Variants in SEPTIN5 observed in about 807,000 individuals in gnomAD.
SEPTIN5 encodes the protein septin-5.
A neutral mutation model predicts 51.2 loss-of-function variants in SEPTIN5; 16 were observed. The ratio of observed to expected loss-of-function variants is 0.31; its 90% confidence interval spans 0.21 to 0.47. SEPTIN5 has a LOEUF of 0.47. SEPTIN5 is among the 20% of genes least tolerant of loss of function. The pLI is 0.99. For synonymous variants in SEPTIN5, 208 were observed against 191.2 expected, an observed-to-expected ratio of 1.09 and a Z score of -0.72; for missense variants, 376 against 500.3, an observed-to-expected ratio of 0.75 and a Z score of 2.37.
At position 19,714,883 on chromosome 22, in the gene SEPTIN5, C is replaced by T; in HGVS notation, c.54+92C>T. 7 of 1,431,338 alleles carry T rather than the reference C, an allele frequency of 4.9e-6. No individual in the cohort carries two copies. The highest frequency in any genetic ancestry group is 6.6e-6 in the Non-Finnish European group (7 of 1,062,230). 88.7% of individuals were successfully genotyped at this position (1,431,338 alleles called of 1,614,324 possible). A position where few individuals can be genotyped will look rare whatever the true frequency, so the allele number is the denominator to read the frequency against. Reference sequence around the variant, plus strand: ...CCTTGGGCGCCCAGGCGCGACCCCGCCCCCGCCGGCCCTCACCCAGCCCTG... The same window carrying T: ...CCTTGGGCGCCCAGGCGCGACCCCGTCCCCGCCGGCCCTCACCCAGCCCTG... On this transcript the variant is annotated intron_variant, in intron 2 of 11. Coordinates refer to ENST00000455784, the MANE Select transcript of SEPTIN5 (RefSeq NM_002688.6). This position sits in a 1 kb window ranked among gnomAD's most constrained non-coding sequence, Gnocchi z 5.2.
chr22:19,716,876 G>A (rs997933819), intron 2 of SEPTIN5, among the ~76,000 whole-genome samples: 1 of 152,190 alleles, frequency 6.6e-6, no homozygotes, highest in Non-Finnish European at 1.5e-5. Context: ...GCTGGGCTTC[G>A]AGGTGTGGAC....
intron 8 of SEPTIN5, among the ~76,000 whole-genome samples, 186 bp downstream of exon 8, chr22:19,721,055 C>G (rs1310630995): frequency 6.6e-6 from 1 of 152,202 alleles, no homozygotes; most frequent in Non-Finnish European, 1.5e-5. Flanking sequence ...GTAAAGGTCA[C>G]CATGTCTTTG....
In SEPTIN5 at chr22:19,722,452, C is replaced by A. The variant is rs1263727853; in HGVS notation, c.1078C>A (p.Gln360Lys). 3 of 1,602,234 alleles carry A rather than the reference C, an allele frequency of 1.9e-6. No individual in the cohort carries two copies. The highest frequency in any genetic ancestry group is 2.7e-5 in the African/African-American group (2 of 74,654). The change falls in exon 12 of 12, where the codon CAG becomes AAG. Residue 360 changes from glutamine (Q) to lysine (K), a missense_variant. Gln to Lys is a moderately conservative substitution (Grantham distance 53, BLOSUM62 1). Transcript: ENST00000455784. ...GCTGAGGCGCATGCAGGAGATGCTG[C>A]AGAGGATGAAGCAGCAGATGCAGGA... ...EELRRMQEMLQRMKQQMQDQ is the reference protein window; with the variant it reads ...EELRRMQEMLKRMKQQMQDQ
rs1043004 is a variant in SEPTIN5 at position 19,720,822 on chromosome 22, G to A, written c.670G>A (p.Asp224Asn). 1.2e-6 allele frequency: 2 copies of A among 1,613,796 alleles called. No individual in the cohort carries two copies. The highest frequency in any genetic ancestry group is 1.7e-6 in the Non-Finnish European group (2 of 1,179,998). The change falls in exon 8 of 12, where the codon GAC becomes AAC. Residue 224 changes from aspartate to asparagine, a missense_variant. By Grantham distance (23) the Asp-to-Asn change is conservative. Coordinates refer to ENST00000455784, the MANE Select transcript of SEPTIN5 (RefSeq NM_002688.6). ...GIHVYQFPEC[D>N]SDEDEDFKQQ... Reference sequence around the variant, plus strand: ...CCATGTATACCAGTTCCCTGAGTGTGACTCGGACGAGGATGAGGACTTCAA... The same window carrying A: ...CCATGTATACCAGTTCCCTGAGTGTAACTCGGACGAGGATGAGGACTTCAA...
chr22:19,719,380 C>T, intron 2 of SEPTIN5: 2 of 553,830 alleles, frequency 3.6e-6, no homozygotes, highest in Non-Finnish European at 6.5e-6. Context: ...GCAGAGCCCT[C>T]CCTGGGATTG....
In SEPTIN5 at chr22:19,718,619, G is replaced by A. The variant is rs745728279; in HGVS notation, c.55-983G>A. On this transcript the variant is annotated intron_variant, in intron 2 of 11. Transcript: ENST00000455784. ...GCCTCACTTCCCGCGTCCGCAAAAC[G>A]GGGTGGACAACGCAGCCTAAGGCAG... The A allele has an allele frequency of 1.2e-5, 16 of 1,290,866 alleles. No individual in the cohort carries two copies. The East Asian group carries it at 2.5e-4, about 20-fold the overall frequency. 80.0% of individuals were successfully genotyped at this position (1,290,866 alleles called of 1,614,324 possible).
Position 19,723,263 on chromosome 22 carries a change from T to G in SEPTIN5, c.*779T>G. 1.5e-6 allele frequency: 1 copy of G among 682,236 alleles called. No individual in the cohort carries two copies. The highest frequency in any genetic ancestry group is 1.5e-5 in the South Asian group (1 of 66,570). The allele number at this position is 682,236 out of a possible 1,614,324, so 42.3% of individuals were successfully genotyped here. On this transcript the variant is annotated 3_prime_UTR_variant, in exon 12 of 12. Coordinates refer to ENST00000455784, the MANE Select transcript of SEPTIN5 (RefSeq NM_002688.6). ...CCCGCCACACGATGCTCCGTTTTCT[T>G]CCGTTGTGAATGCCGCGTCCTGTCC...
intron 4 of SEPTIN5, 102 bp from the exon 5 acceptor site, chr22:19,720,013 G>T: frequency 6.2e-7 from 1 of 1,603,034 alleles, no homozygotes; most frequent in Non-Finnish European, 8.5e-7. Context: ...GTCCCCTGGG[G>T]GTAGGGCCAA....
rs1466993628 is a variant in SEPTIN5 at position 19,722,730 on chromosome 22, C to T, written c.*246C>T. ...GTTGGGCGGGACTTCAGAGATCCGC[C>T]TCCCTTGCCCTTCCCCCGCCCCCGG... On this transcript the variant is annotated 3_prime_UTR_variant, in exon 12 of 12. Coordinates refer to ENST00000455784, the MANE Select transcript of SEPTIN5 (RefSeq NM_002688.6). 1 of 573,886 alleles carries T rather than the reference C, an allele frequency of 1.7e-6. No individual in the cohort carries two copies. The highest frequency in any genetic ancestry group is 3.1e-5 in the Admixed American group (1 of 32,258). 35.5% of individuals were successfully genotyped at this position (573,886 alleles called of 1,614,324 possible).
At position 19,723,021 on chromosome 22, in the gene SEPTIN5, C is replaced by T. The variant is rs1039843232; in HGVS notation, c.*537C>T. The T allele has an allele frequency of 4.3e-6, 2 of 460,178 alleles. No individual in the cohort carries two copies. The highest frequency in any genetic ancestry group is 3.9e-5 in the African/African-American group (2 of 51,298). 28.5% of individuals were successfully genotyped at this position (460,178 alleles called of 1,614,324 possible). Reference sequence around the variant, plus strand: ...GGGAGCCCTCCAGACATAAGGAGGCCAGAGGCTGCAAGGAGCGGGGTCGTG... The same window carrying T: ...GGGAGCCCTCCAGACATAAGGAGGCTAGAGGCTGCAAGGAGCGGGGTCGTG... On this transcript the variant is annotated 3_prime_UTR_variant, in exon 12 of 12. Coordinates refer to ENST00000455784, the MANE Select transcript of SEPTIN5 (RefSeq NM_002688.6).
Position 19,721,736 on chromosome 22 carries a change from G to A in SEPTIN5, c.814G>A (p.Val272Met), listed in dbSNP as rs1403533276. 3 of 1,606,482 alleles carry A rather than the reference G, an allele frequency of 1.9e-6. No homozygotes were observed. Among genetic ancestry groups the A allele is most frequent in the East Asian group, 4.5e-5 (2 of 44,722 alleles). The part of the protein sequence containing the change: ...GRLYPWGIVE[V>M]ENQAHCDFVK... ...ACTGTACCCCTGGGGGATCGTGGAG[G>A]GTGAGTAGAGTCTTGGGGTACCAGG... Residue 272 changes from valine to methionine, a missense_variant and splice_region_variant, in exon 9 of 12, where the codon GTG (valine) becomes ATG (methionine). Val to Met is a conservative substitution (Grantham distance 21, BLOSUM62 1). Coordinates refer to ENST00000455784, the MANE Select transcript of SEPTIN5 (RefSeq NM_002688.6).
chr22:19,722,267 C>A lies in SEPTIN5; in HGVS notation c.981C>A (p.Ser327Arg). Residue 327 changes from serine (S) to arginine (R), a missense_variant, in exon 11 of 12, where the codon AGC (serine) becomes AGA (arginine). Ser to Arg is a moderately radical substitution (Grantham distance 110). Around this residue, in one of 2 missense-constraint regions of SEPTIN5, gnomAD observed 89 missense variants for 83.3 expected, o/e 1.07. Coordinates refer to ENST00000455784, the MANE Select transcript of SEPTIN5 (RefSeq NM_002688.6). ...TGACCCAGGACAGCCGCATGGAGAGCCCCATCCCGATCCTGCCGCTGCCCA... is the reference window on the plus strand; with the variant it reads ...TGACCCAGGACAGCCGCATGGAGAGACCCATCCCGATCCTGCCGCTGCCCA... ...SKLTQDSRMESPIPILPLPTP... is the reference protein window; with the variant it reads ...SKLTQDSRMERPIPILPLPTP... 1 of 1,610,344 alleles carries A rather than the reference C, an allele frequency of 6.2e-7. No homozygotes were observed.
rs1163626509 is a variant in SEPTIN5, at chr22:19,722,423, C to T, written c.1054-5C>T. 2 of 1,600,576 alleles carry T rather than the reference C, an allele frequency of 1.2e-6. No individual in the cohort carries two copies. Among genetic ancestry groups the T allele is most frequent in the South Asian group, 2.2e-5 (2 of 89,512 alleles). ...GCTCACCCGCCGGGTTGTCTCCGCC[C>T]GCAGCTGAGGCGCATGCAGGAGATG... On this transcript the variant is annotated splice_polypyrimidine_tract_variant and splice_region_variant and intron_variant, in intron 11 of 11. Coordinates refer to ENST00000455784, the MANE Select transcript of SEPTIN5 (RefSeq NM_002688.6).
rs1390182830 is a variant in SEPTIN5, at chr22:19,722,202, G to GCCGCC, written c.951-28_951-24dup. ...AGCCCACGCTGAGCCTCCCGGTGGC[G>GCCGCC]CCGCCCCGCCCATCCTCCCCCCCGC... On this transcript the variant is annotated intron_variant, in intron 10 of 11. Transcript: ENST00000455784. The GCCGCC allele has an allele frequency of 3.3e-5, 46 of 1,410,636 alleles. No homozygotes were observed. In the African/African-American group the frequency reaches 5.2e-4, roughly 16 times the overall value. 87.4% of individuals were successfully genotyped at this position (1,410,636 alleles called of 1,614,324 possible). A position where few individuals can be genotyped will look rare whatever the true frequency, so the allele number is the denominator to read the frequency against.
chr22:19,719,749 A>C, intron 3 of SEPTIN5, 51 bp downstream of exon 3: 1 of 1,611,718 alleles, frequency 6.2e-7, no homozygotes, highest in Non-Finnish European at 8.5e-7. Context: ...TGGCCAGCCA[A>C]GCTCTGTCGT....
At chr22:19,718,895 G>T in intron 2 of SEPTIN5, 1 of 1,211,002 alleles carries the variant, frequency 8.3e-7, no homozygotes, top group Non-Finnish European at 1.0e-6. Flanking sequence ...CCCCGTCCCC[G>T]CGCGCCACGG....
chr22:19,722,024 C>A, intron 10 of SEPTIN5, 67 bp downstream of exon 10: 1 of 1,547,248 alleles, frequency 6.5e-7, no homozygotes. Flanking sequence ...TAACTGAGGG[C>A]CGGTCCTGTC....
At chr22:19,718,692 G>C (rs1175628965) in intron 2 of SEPTIN5, 4 of 1,272,516 alleles carry the variant, frequency 3.1e-6, no homozygotes, top group South Asian at 3.5e-5. Flanking sequence ...CGGCCTGACC[G>C]GGCCTGGGGT....
At chr22:19,718,965 A>G in intron 2 of SEPTIN5, 1 of 585,272 alleles carries the variant, frequency 1.7e-6, no homozygotes, top group Non-Finnish European at 2.3e-6. Context: ...CCGCGGCCCC[A>G]CGGTGGGGCG....
Sources: allele counts gnomAD v4.1 joint callset (sites outside exome capture counted in the v4.1 genomes callset), GRCh38; gene constraint gnomAD v4.1.1; regional missense constraint gnomAD v4.1.1; non-coding constraint Gnocchi (gnomAD v3.1); transcripts MANE v1.5; gene names NCBI Gene and HGNC (gene_info 2026-07-23, HGNC 2026-07-21).